CREBZF: variants seen among roughly 807,000 people sequenced by gnomAD.
The protein encoded by CREBZF is CREB/ATF bZIP transcription factor.
In CREBZF, 8 loss-of-function variants were observed where a neutral mutation model predicts 21.1. The ratio of observed to expected loss-of-function variants is 0.38; its 90% confidence interval spans 0.22 to 0.68. The LOEUF (loss-of-function observed/expected upper bound fraction) is 0.68. CREBZF is among the 30% of genes least tolerant of loss of function. CREBZF has a pLI of 0.51. For synonymous variants in CREBZF, 270 were observed against 223.3 expected (o/e 1.21, Z -1.86); for missense variants, 518 against 484.3 (o/e 1.07, Z -0.65).
intron 1 of CREBZF, among the ~76,000 whole-genome samples, chr11:85,670,270 TCC>T (rs113149256): frequency 0.013 from 726 of 55,890 alleles, 9 homozygotes; most frequent in Non-Finnish European, 0.019. Context: ...AACACTTTAA[TCC>T]CCCCCCCCCA....
intron 1 of CREBZF, among the ~76,000 whole-genome samples, chr11:85,678,032 G>C (rs2082952491): frequency 1.3e-5 from 2 of 152,040 alleles, no homozygotes; most frequent in South Asian, 4.1e-4. Flanking sequence ...ATCTTTTTGG[G>C]GGGTATATCA....
At chr11:85,677,204 A>T (rs2082948581) in intron 1 of CREBZF, among the ~76,000 whole-genome samples, 2 of 152,012 alleles carry the variant, frequency 1.3e-5, no homozygotes, top group Admixed American at 1.3e-4. Flanking sequence ...ACCTCAGGTG[A>T]TCCACGCACC....
rs571693932 is a variant in CREBZF, at chr11:85,658,111, C to T, written c.*5700G>A. Among the ~76,000 whole-genome samples, 1 of 152,056 alleles carries T rather than the reference C, an allele frequency of 6.6e-6. No homozygotes were observed. Among genetic ancestry groups the T allele is most frequent in the East Asian group, 1.9e-4 (1 of 5,190 alleles). ...CACTTTTACTAAAAGCAGAGTTCTA[C>T]TCATCCCAGTGAAAAAAACAATGAA... is the stretch of plus-strand genomic sequence containing the variant. On this transcript the variant is annotated 3_prime_UTR_variant, in exon 1 of 1. Transcript: ENST00000527447.
intron 1 of CREBZF, among the ~76,000 whole-genome samples, chr11:85,679,780 C>G (rs1166596457): frequency 6.6e-6 from 1 of 152,196 alleles, no homozygotes; most frequent in Non-Finnish European, 1.5e-5. Flanking sequence ...TGTCCTGACC[C>G]AGATCTGTCA....
chr11:85,681,798 A>C (rs2153330851), intron 1 of CREBZF, among the ~76,000 whole-genome samples: 1 of 152,360 alleles, frequency 6.6e-6, no homozygotes, highest in East Asian at 1.9e-4. Flanking sequence ...AGTGATAAGC[A>C]TCACTTAATA....
At chr11:85,668,174 G>C (rs371470306), upstream of CREBZF, among the ~76,000 whole-genome samples, 137 of 152,134 alleles carry the variant, frequency 9.0e-4, 2 homozygotes, top group African/African-American at 3.2e-3. Flanking sequence ...CATATGGCAA[G>C]TCCCTCTTTG....
intron 1 of CREBZF, among the ~76,000 whole-genome samples, chr11:85,675,995 C>T (rs1388263987): frequency 6.6e-6 from 1 of 152,228 alleles, no homozygotes; most frequent in Non-Finnish European, 1.5e-5. Flanking sequence ...ACTCCTCTAA[C>T]TCCTTCTCAA....
At position 85,660,448 on chromosome 11, in the gene CREBZF, G is replaced by A. The variant is rs1322355475; in HGVS notation, c.*3363C>T. On this transcript the variant is annotated 3_prime_UTR_variant, in exon 1 of 1. Coordinates refer to ENST00000527447, the MANE Select transcript of CREBZF (RefSeq NM_001039618.4). ...ATTTCTGGAAAGTGAAATCAGTATA[G>A]AAGTAATTTGGGAACTTGAAAATGG... 5.4e-6 allele frequency: 2 copies of A among 371,954 alleles called. No individual in the cohort carries two copies. Among genetic ancestry groups the A allele is most frequent in the African/African-American group, 4.3e-5 (2 of 46,288 alleles). 23.0% of individuals were successfully genotyped at this position (371,954 alleles called of 1,614,324 possible).
upstream of CREBZF, among the ~76,000 whole-genome samples, chr11:85,665,642 C>T (rs555561298): frequency 2.0e-5 from 3 of 151,438 alleles, no homozygotes; most frequent in South Asian, 6.3e-4. Context: ...ATGAATATGA[C>T]AGTTATTATT....
At position 85,664,678 on chromosome 11, in the gene CREBZF, C is replaced by T; in HGVS notation, c.198G>A (p.Gly66=). 1 of 1,603,470 alleles carries T rather than the reference C, an allele frequency of 6.2e-7. No homozygotes were observed. The highest frequency in any genetic ancestry group is 8.5e-7 in the Non-Finnish European group (1 of 1,175,080). ...CGGCCACGCCGCCGCGGCTCCCCCT[C>T]CCGGCTTCCAACTCTCCTTCGTCGC... ...QFGDEGELEA[G]RGSRGGVAVR... Residue 66 remains glycine (G), a synonymous_variant, in exon 1 of 1, where the codon GGG becomes GGA. Transcript: ENST00000527447. This position sits in a 1 kb window ranked among gnomAD's most constrained non-coding sequence, Gnocchi z 5.5.
Position 85,672,366 on chromosome 11 carries a change from C to T in CREBZF, n.148-8765G>A, listed in dbSNP as rs867437357. Reference sequence around the variant, plus strand: ...GCCCTGGAGACATTCTCTCCATTGTCTTGGTGATTAACATGTTGCTCTTCG... The same window carrying T: ...GCCCTGGAGACATTCTCTCCATTGTTTTGGTGATTAACATGTTGCTCTTCG... On this transcript the variant is annotated intron_variant and non_coding_transcript_variant, in intron 1 of 3. Transcript: ENST00000531515. 2.5e-4 allele frequency among the ~76,000 whole-genome samples: 38 copies of T among 152,360 alleles called. No homozygotes were observed. The Middle Eastern group carries it at 0.01, about 41-fold the overall frequency.
At chr11:85,669,401 TACACACACACACACACACAC>T (rs61173351), upstream of CREBZF, among the ~76,000 whole-genome samples, 1 of 148,790 alleles carries the variant, frequency 6.7e-6, no homozygotes, top group South Asian at 2.1e-4. Context: ...TCAGTCATTC[TACACACACACACACACACAC>T]ACACACACAC....
Position 85,664,837 on chromosome 11 carries a change from G to GC in CREBZF, c.38dup (p.Ser14GlnfsTer8). On this transcript the variant is annotated frameshift_variant, in exon 1 of 1. Coordinates refer to ENST00000527447, the MANE Select transcript of CREBZF (RefSeq NM_001039618.4). LOFTEE classifies it high-confidence loss of function. This position sits in a 1 kb window ranked among gnomAD's most constrained non-coding sequence, Gnocchi z 5.5. ...TCTCACTGCGGGTTGGGGAGTTGCT[G>GC]CCCGAGGCTGCCAGCAGCTTGGTCA... 1 of 1,530,474 alleles carries GC rather than the reference G, an allele frequency of 6.5e-7. No homozygotes were observed. The highest frequency in any genetic ancestry group is 8.7e-7 in the Non-Finnish European group (1 of 1,144,368). The allele number at this position is 1,530,474 out of a possible 1,614,324, so 94.8% of individuals were successfully genotyped here.
At chr11:85,666,819 A>T (rs945468093), upstream of CREBZF, among the ~76,000 whole-genome samples, 1 of 152,358 alleles carries the variant, frequency 6.6e-6, no homozygotes, top group South Asian at 2.1e-4. Context: ...AGGTGTGAAA[A>T]AAGTATGACC....
At chr11:85,681,658 CTGTT>C (rs541698696) in intron 1 of CREBZF, among the ~76,000 whole-genome samples, 23 of 152,312 alleles carry the variant, frequency 1.5e-4, no homozygotes, top group African/African-American at 4.8e-4. Flanking sequence ...TTGAGAGCTA[CTGTT>C]TGTTGATGTT....
chr11:85,679,494 C>T (rs1475654547), intron 1 of CREBZF, among the ~76,000 whole-genome samples: 2 of 152,172 alleles, frequency 1.3e-5, no homozygotes, highest in East Asian at 3.8e-4. Flanking sequence ...AATGAAAGAT[C>T]AGAATGGCTG....
chr11:85,665,042 CAAGGCGCGGGGAGGG>C lies in CREBZF; in HGVS notation c.-182_-168del. The C allele has an allele frequency of 4.3e-6, 2 of 464,576 alleles. No individual in the cohort carries two copies. The highest frequency in any genetic ancestry group is 8.3e-5 in the South Asian group (1 of 12,076). The allele number at this position is 464,576 out of a possible 1,614,324, so 28.8% of individuals were successfully genotyped here. ...CACTTGGCTAGTCGACCCCCCGCGC[CAAGGCGCGGGGAGGG>C]ACGGGAGAACGAAGCGGTGAGGCCC... On this transcript the variant is annotated 5_prime_UTR_variant, in exon 1 of 1. Transcript: ENST00000527447.
At chr11:85,670,555 GC>G (rs2082905299) in intron 1 of CREBZF, among the ~76,000 whole-genome samples, 1 of 152,044 alleles carries the variant, frequency 6.6e-6, no homozygotes, top group South Asian at 2.1e-4. Flanking sequence ...ACCCGCCTCG[GC>G]CTTCCAAAGT....
chr11:85,666,455 T>C (rs1285615530), upstream of CREBZF, among the ~76,000 whole-genome samples: 2 of 152,220 alleles, frequency 1.3e-5, no homozygotes, highest in Non-Finnish European at 2.9e-5. Flanking sequence ...GGGCTAAAAA[T>C]TGTTTCCTGA....
Sources: allele counts gnomAD v4.1 joint callset (sites outside exome capture counted in the v4.1 genomes callset), GRCh38; gene constraint gnomAD v4.1.1; non-coding constraint Gnocchi (gnomAD v3.1); transcripts MANE v1.5; gene names NCBI Gene and HGNC (gene_info 2026-07-23, HGNC 2026-07-21).